WWC1: variants seen among roughly 807,000 people sequenced by gnomAD.
The protein encoded by WWC1 is WW and C2 domain containing 1.
A neutral mutation model predicts 138.4 loss-of-function variants in WWC1; 55 were observed. That is an observed-to-expected ratio of 0.40 (90% CI 0.32 to 0.50). WWC1 has a LOEUF of 0.50. Among genes scored for constraint, WWC1 ranks in the 20% least tolerant of loss-of-function variants. The probability of loss-of-function intolerance (pLI) is 0.72; values close to 1 mark genes in which losing one functional copy is unlikely to be tolerated. For missense variants in WWC1, 1,226 were observed against 1,420.4 expected, an observed-to-expected ratio of 0.86 and a Z score of 2.20; for synonymous variants, 524 against 564.9, an observed-to-expected ratio of 0.93 and a Z score of 1.03.
intron 1 of WWC1, among the ~76,000 whole-genome samples, chr5:168,367,340 T>TA (rs1283963209): frequency 2.6e-5 from 4 of 152,202 alleles, no homozygotes; most frequent in African/African-American, 9.6e-5. Flanking sequence ...TTTATTTACT[T>TA]ATTTATTTTG....
chr5:168,365,723 T>A (rs2152803280), intron 1 of WWC1, among the ~76,000 whole-genome samples: 1 of 152,292 alleles, frequency 6.6e-6, no homozygotes, highest in South Asian at 2.1e-4. Flanking sequence ...TGGCAGAACC[T>A]ACCTGTCTCC....
At chr5:168,409,844 C>A in intron 7 of WWC1, 78 bp from the exon 8 acceptor site, 1 of 1,458,476 alleles carries the variant, frequency 6.9e-7, no homozygotes, top group South Asian at 1.1e-5. Flanking sequence ...GCTGTCAAGT[C>A]TCTCATGAGC....
At chr5:168,399,716 A>AG in intron 5 of WWC1, 149 bp downstream of exon 5, 1 of 824,018 alleles carries the variant, frequency 1.2e-6, no homozygotes, top group Non-Finnish European at 1.9e-6. Flanking sequence ...TTCCACTGGC[A>AG]TTTCCTGAAG....
intron 5 of WWC1, among the ~76,000 whole-genome samples, chr5:168,405,452 C>T (rs1177531803): frequency 1.3e-5 from 2 of 152,184 alleles, no homozygotes; most frequent in Non-Finnish European, 2.9e-5. Flanking sequence ...AACTCTGCCT[C>T]CTGTTCCCAA....
chr5:168,362,766 G>C (rs943258528), intron 1 of WWC1, among the ~76,000 whole-genome samples: 2 of 152,218 alleles, frequency 1.3e-5, no homozygotes, highest in African/African-American at 2.4e-5. Context: ...GGTGAAGGAA[G>C]GGGATGGACC....
chr5:168,444,119 C>T (rs10041493), intron 16 of WWC1, among the ~76,000 whole-genome samples: 12,264 of 152,240 alleles, frequency 0.081, 600 homozygotes, highest in African/African-American at 0.14. Flanking sequence ...TATCTCCTTT[C>T]ACCTCTCTTC....
chr5:168,410,107 A>C, intron 8 of WWC1, 112 bp downstream of exon 8: 2 of 1,003,418 alleles, frequency 2.0e-6, no homozygotes, highest in Non-Finnish European at 3.1e-6. Context: ...AATCCTCACA[A>C]AGATTATGAA....
chr5:168,342,359 G>C (rs1774104961), intron 1 of WWC1, among the ~76,000 whole-genome samples: 1 of 152,178 alleles, frequency 6.6e-6, no homozygotes, highest in Admixed American at 6.5e-5. Flanking sequence ...GCAGCCTCTA[G>C]GCAGGCAGGC....
At chr5:168,369,474 C>T (rs1319876083) in intron 1 of WWC1, among the ~76,000 whole-genome samples, 3 of 152,200 alleles carry the variant, frequency 2.0e-5, no homozygotes, top group Admixed American at 6.5e-5. Flanking sequence ...GCCATCACAG[C>T]TAACTGCAGC....
intron 19 of WWC1, among the ~76,000 whole-genome samples, chr5:168,456,468 G>T (rs921785162): frequency 2.0e-5 from 3 of 152,008 alleles, no homozygotes; most frequent in Non-Finnish European, 2.9e-5. Context: ...TCCTGTCTCT[G>T]CTAAAAATGC....
intron 21 of WWC1, among the ~76,000 whole-genome samples, chr5:168,467,082 C>A (rs908356836): frequency 6.6e-6 from 1 of 152,136 alleles, no homozygotes; most frequent in Non-Finnish European, 1.5e-5. Context: ...AATGGTGAAA[C>A]CCCGTCTCTA....
intron 1 of WWC1, among the ~76,000 whole-genome samples, chr5:168,308,084 T>C (rs1450763075): frequency 1.3e-5 from 2 of 152,158 alleles, no homozygotes; most frequent in African/African-American, 4.8e-5. Flanking sequence ...AGAAAGAATG[T>C]GTGTTTAGGG....
chr5:168,443,381 G>A (rs1006989652), intron 16 of WWC1, among the ~76,000 whole-genome samples: 4 of 151,864 alleles, frequency 2.6e-5, no homozygotes, highest in African/African-American at 9.7e-5. Context: ...ATCAGGCACT[G>A]TTCTGTTTAT....
intron 6 of WWC1, among the ~76,000 whole-genome samples, 164 bp from the exon 7 acceptor site, chr5:168,408,343 G>C (rs1779962114): frequency 6.7e-6 from 1 of 148,656 alleles, no homozygotes; most frequent in Non-Finnish European, 1.5e-5. Flanking sequence ...ACACAGCAAG[G>C]ACCCACTCAC....
intron 1 of WWC1, among the ~76,000 whole-genome samples, chr5:168,336,389 G>C (rs140171264): frequency 0.017 from 2,561 of 152,044 alleles, 41 homozygotes; most frequent in Non-Finnish European, 0.025. Context: ...TGGTCAATGT[G>C]GTGAAACCCC....
intron 15 of WWC1, among the ~76,000 whole-genome samples, chr5:168,438,592 T>C (rs1754462016): frequency 6.6e-6 from 1 of 152,000 alleles, no homozygotes; most frequent in South Asian, 2.1e-4. Context: ...TGGCTACAGG[T>C]CCATTTTGCA....
chr5:168,470,898 C>T lies in WWC1; in HGVS notation c.*1881C>T, dbSNP rs1757647554. The stretch of plus-strand genomic sequence containing the variant: ...GACCCACTGAACTATCCCGCCCACC[C>T]TGGGACGGTCCCCAGTGCCAGTGTT... On this transcript the variant is annotated 3_prime_UTR_variant, in exon 23 of 23. Coordinates refer to ENST00000265293, the MANE Select transcript of WWC1 (RefSeq NM_015238.3). The T allele has an allele frequency of 1.3e-5, 2 of 152,230 alleles. No homozygotes were observed. Among genetic ancestry groups the T allele is most frequent in the Admixed American group, 1.3e-4 (2 of 15,274 alleles). 9.4% of individuals were successfully genotyped at this position (152,230 alleles called of 1,614,324 possible).
chr5:168,292,309 C>T lies in WWC1; in HGVS notation c.119+38C>T. On this transcript the variant is annotated intron_variant, in intron 1 of 22. Transcript: ENST00000265293. This position sits in a 1 kb window ranked among gnomAD's most constrained non-coding sequence, Gnocchi z 4.4. ...AACCCTCCTCCGTGCCCCCACACCC[C>T]CGCCTGGGCCCCCACCTGCCCCTGG... 1 of 1,549,732 alleles carries T rather than the reference C, an allele frequency of 6.5e-7. No individual in the cohort carries two copies. The highest frequency in any genetic ancestry group is 1.2e-5 in the South Asian group (1 of 83,348).
rs115309148 is a variant in WWC1, at chr5:168,387,516, C to T, written c.433+2102C>T. 1.3e-3 allele frequency among the ~76,000 whole-genome samples: 198 copies of T among 152,276 alleles called. 1 individual carries two copies. The highest frequency in any genetic ancestry group is 4.6e-3 in the African/African-American group (193 of 41,548). Reference sequence around the variant, plus strand: ...AATCTGTCTTAGTCGACTCGAGCTGCCATAATAAAATACCATAGATTGGGT... The same window carrying T: ...AATCTGTCTTAGTCGACTCGAGCTGTCATAATAAAATACCATAGATTGGGT... On this transcript the variant is annotated intron_variant, in intron 3 of 22. Transcript: ENST00000265293.
Sources: gnomAD v4.1 joint callset for allele counts (sites outside exome capture counted in the v4.1 genomes callset) on GRCh38, gnomAD v4.1.1 for gene constraint, Gnocchi (gnomAD v3.1) non-coding constraint, MANE v1.5 for transcripts, NCBI Gene and HGNC (gene_info 2026-07-23, HGNC 2026-07-21) for gene names.